The following DHRS3 variants were observed in gnomAD, a reference collection of about 807,000 sequenced individuals.
DHRS3 encodes the protein short-chain dehydrogenase/reductase 3.
In DHRS3, 14 loss-of-function variants were observed where a neutral mutation model predicts 27.2. The ratio of observed to expected loss-of-function variants is 0.52; its 90% CI spans 0.34 to 0.81. The LOEUF (loss-of-function observed/expected upper bound fraction) is 0.81, where lower values mean the gene tolerates loss of function less well. DHRS3 is among the 30% of genes least tolerant of loss of function. The probability of loss-of-function intolerance (pLI) is 0.01; values close to 1 mark genes in which losing one functional copy is unlikely to be tolerated. For synonymous variants in DHRS3, 165 were observed against 175.9 expected (o/e 0.94, Z 0.49); for missense variants, 322 against 406.2 (o/e 0.79, Z 1.78).
chr1:12,582,205 G>A (rs914186385), intron 1 of DHRS3, among the ~76,000 whole-genome samples: 3 of 152,152 alleles, frequency 2.0e-5, no homozygotes, highest in Admixed American at 6.5e-5. Flanking sequence ...CCGTTTATCC[G>A]CTGCTCACCT....
At position 12,578,787 on chromosome 1, in the gene DHRS3, G is replaced by A. The variant is rs763680512; in HGVS notation, c.629C>T (p.Pro210Leu). 1.1e-5 allele frequency: 18 copies of A among 1,613,922 alleles called. 1 individual carries two copies. The highest frequency in any genetic ancestry group is 2.2e-5 in the East Asian group (1 of 44,888). ...CAGCACTGTGGTGGCGCTGACTCCC[G>A]GACAGTCCAGCAGCCCCAGGGTCAG... ...ESLTLGLLDC[P>L]GVSATTVLPF... is the part of the protein sequence containing the mutation. The change falls in exon 4 of 6, where the codon CCG becomes CTG. Residue 210 changes from proline (P) to leucine (L), a missense_variant. Physicochemically the swap from Pro to Leu is moderately conservative, Grantham distance 98. Transcript: ENST00000616661. The surrounding 1 kb of genome is among the most constrained non-coding windows in gnomAD (Gnocchi z 4.5).
intron 1 of DHRS3, among the ~76,000 whole-genome samples, chr1:12,599,591 C>G (rs1557528290): frequency 6.6e-6 from 1 of 152,122 alleles, no homozygotes. Flanking sequence ...CTGGCCATCT[C>G]TCTCCACTCC....
chr1:12,594,281 T>G lies in DHRS3; in HGVS notation c.196-13615A>C, dbSNP rs115179971. Among the ~76,000 whole-genome samples, 2,252 of 152,336 alleles carry G rather than the reference T, an allele frequency of 0.015. 29 individuals are homozygous for G. Among genetic ancestry groups the G allele is most frequent in the Non-Finnish European group, 0.024 (1,634 of 68,030 alleles). The stretch of plus-strand genomic sequence containing the variant: ...CTTTTAACAACCCTGTCCTGCCTCA[T>G]TCATTCATTCAAGGACTATTTGTGG... On this transcript the variant is annotated intron_variant, in intron 1 of 5. Coordinates refer to ENST00000616661, the MANE Select transcript of DHRS3 (RefSeq NM_004753.7). This position sits in a 1 kb window ranked among gnomAD's most constrained non-coding sequence, Gnocchi z 4.1.
intron 1 of DHRS3, among the ~76,000 whole-genome samples, chr1:12,611,346 C>A (rs537490304): frequency 5.9e-5 from 9 of 152,294 alleles, no homozygotes; most frequent in East Asian, 1.9e-4. Flanking sequence ...AAGAAAAAAA[C>A]CAGGAAATTT....
rs1278837077 is a variant in DHRS3 at position 12,608,640 on chromosome 1, G to A, written c.195+8514C>T. 6.6e-6 allele frequency among the ~76,000 whole-genome samples: 1 copy of A among 152,056 alleles called. No homozygotes were observed. The highest frequency in any genetic ancestry group is 1.9e-4 in the East Asian group (1 of 5,200). On this transcript the variant is annotated intron_variant, in intron 1 of 5. Coordinates refer to ENST00000616661, the MANE Select transcript of DHRS3 (RefSeq NM_004753.7). This position sits in a 1 kb window ranked among gnomAD's most constrained non-coding sequence, Gnocchi z 4.1. ...ACTCACAGAATCAAAGGGTAGAAGG[G>A]ACCTAGGAGGTTGTCCAGAACCTAA...
intron 1 of DHRS3, among the ~76,000 whole-genome samples, chr1:12,581,657 A>G (rs989992194): frequency 3.3e-5 from 5 of 152,186 alleles, no homozygotes; most frequent in African/African-American, 1.2e-4. Context: ...GCTAATTCTT[A>G]ACCTTGACCT....
chr1:12,610,334 C>T (rs899091085), intron 1 of DHRS3, among the ~76,000 whole-genome samples: 3 of 151,968 alleles, frequency 2.0e-5, no homozygotes, highest in African/African-American at 7.2e-5. Context: ...TCAAGTGTTC[C>T]GCCTGCCTTA....
At chr1:12,585,987 C>T (rs1446157970) in intron 1 of DHRS3, among the ~76,000 whole-genome samples, 1 of 150,678 alleles carries the variant, frequency 6.6e-6, no homozygotes, top group Non-Finnish European at 1.5e-5. Context: ...GCTGGGGTGG[C>T]TCAACACCTC....
chr1:12,590,774 C>T (rs1324711227), intron 1 of DHRS3, among the ~76,000 whole-genome samples: 3 of 152,224 alleles, frequency 2.0e-5, no homozygotes, highest in African/African-American at 7.2e-5. Context: ...ATTGAGAGTG[C>T]TGGCCTGTCA....
chr1:12,609,893 C>T (rs1300740794), intron 1 of DHRS3, among the ~76,000 whole-genome samples: 1 of 152,198 alleles, frequency 6.6e-6, no homozygotes, highest in Non-Finnish European at 1.5e-5. Context: ...GCCCTGTCCT[C>T]TTCCTGGAAT....
Position 12,591,854 on chromosome 1 carries a change from G to C in DHRS3, c.196-11188C>G, listed in dbSNP as rs983826690. The stretch of plus-strand genomic sequence containing the variant: ...ACAGTGAGCTGATGCCATGTCCAAG[G>C]ACTGGACAGAAAGGTGTCCACCTCC... On this transcript the variant is annotated intron_variant, in intron 1 of 5. Coordinates refer to ENST00000616661, the MANE Select transcript of DHRS3 (RefSeq NM_004753.7). The surrounding 1 kb of genome is among the most constrained non-coding windows in gnomAD (Gnocchi z 4.1). Among the ~76,000 whole-genome samples, 2 of 152,226 alleles carry C rather than the reference G, an allele frequency of 1.3e-5. No individual in the cohort carries two copies. Among genetic ancestry groups the C allele is most frequent in the Non-Finnish European group, 2.9e-5 (2 of 68,048 alleles).
intron 2 of DHRS3, 52 bp downstream of exon 2, chr1:12,580,471 G>A (rs756745289): frequency 3.1e-6 from 5 of 1,613,264 alleles, no homozygotes; most frequent in Non-Finnish European, 4.2e-6. Context: ...TCTTTGCCCG[G>A]AATTAGCCTG....
At position 12,588,291 on chromosome 1, in the gene DHRS3, G is replaced by A. The variant is rs1263372497; in HGVS notation, c.196-7625C>T. ...ATATAATGGCTAAATCTGTTGAGCAGTTGCCATGGGCCAGACACTGTGCTG... is the reference window on the plus strand; with the variant it reads ...ATATAATGGCTAAATCTGTTGAGCAATTGCCATGGGCCAGACACTGTGCTG... On this transcript the variant is annotated intron_variant, in intron 1 of 5. Coordinates refer to ENST00000616661, the MANE Select transcript of DHRS3 (RefSeq NM_004753.7). Among the ~76,000 whole-genome samples, 3 of 152,220 alleles carry A rather than the reference G, an allele frequency of 2.0e-5. No individual in the cohort carries two copies. The East Asian group carries it at 5.8e-4, about 29-fold the overall frequency.
At position 12,592,220 on chromosome 1, in the gene DHRS3, C is replaced by T. The variant is rs754538587; in HGVS notation, c.196-11554G>A. Among the ~76,000 whole-genome samples, 10 of 152,296 alleles carry T rather than the reference C, an allele frequency of 6.6e-5. No homozygotes were observed. Among genetic ancestry groups the T allele is most frequent in the East Asian group, 1.9e-4 (1 of 5,180 alleles). Reference sequence around the variant, plus strand: ...TCTGGGCTCTTAGACTGAATCCTCTCGGCTGCCCGGATGTGGTACAGTCGG... The same window carrying T: ...TCTGGGCTCTTAGACTGAATCCTCTTGGCTGCCCGGATGTGGTACAGTCGG... On this transcript the variant is annotated intron_variant, in intron 1 of 5. Coordinates refer to ENST00000616661, the MANE Select transcript of DHRS3 (RefSeq NM_004753.7). This position sits in a 1 kb window ranked among gnomAD's most constrained non-coding sequence, Gnocchi z 4.2.
intron 1 of DHRS3, among the ~76,000 whole-genome samples, chr1:12,585,291 CTATG>C (rs1201827626): frequency 7.0e-6 from 1 of 141,896 alleles, no homozygotes; most frequent in East Asian, 2.0e-4. Context: ...GTGTGTCTCT[CTATG>C]TGAGTGTATG....
At chr1:12,606,136 C>CAAAAAAAAAAA (rs35154933) in intron 1 of DHRS3, among the ~76,000 whole-genome samples, 3 of 106,844 alleles carry the variant, frequency 2.8e-5, no homozygotes, top group Non-Finnish European at 5.5e-5. Flanking sequence ...GACTCTGTCT[C>CAAAAAAAAAAA]AAAAAAAAAA....
chr1:12,578,880 A>C lies in DHRS3; in HGVS notation c.536T>G (p.Leu179Arg), dbSNP rs200199732. The change falls in exon 4 of 6, where the codon CTG becomes CGG. Residue 179 changes from leucine (L) to arginine (R), a missense_variant. Leu to Arg is a moderately radical substitution (Grantham distance 102, BLOSUM62 -2). Transcript: ENST00000616661. This position sits in a 1 kb window ranked among gnomAD's most constrained non-coding sequence, Gnocchi z 4.5. Reference protein sequence around the residue: ...HIVCLNSVLALSAIPGAIDYC... With the variant: ...HIVCLNSVLARSAIPGAIDYC... ...GTCGATGGCACCGGGGATGGCAGAC[A>C]GTGCCAGCACGGAGTTGAGGCACAC... 41 of 1,613,870 alleles carry C rather than the reference A, an allele frequency of 2.5e-5. No individual in the cohort carries two copies. The highest frequency in any genetic ancestry group is 3.4e-5 in the Non-Finnish European group (40 of 1,180,034).
At chr1:12,580,156 G>A in intron 2 of DHRS3, 1 of 341,284 alleles carries the variant, frequency 2.9e-6, no homozygotes, top group Middle Eastern at 9.8e-4. Flanking sequence ...ATTACCACGT[G>A]CCAGACAGTC....
intron 5 of DHRS3, among the ~76,000 whole-genome samples, chr1:12,572,150 A>T (rs1315303255): frequency 6.6e-6 from 1 of 152,202 alleles, no homozygotes; most frequent in Non-Finnish European, 1.5e-5. Flanking sequence ...AATGTATACA[A>T]CTTACAACAT....
Sources: gnomAD v4.1 joint callset for allele counts (sites outside exome capture counted in the v4.1 genomes callset) on GRCh38, gnomAD v4.1.1 for gene constraint, Gnocchi (gnomAD v3.1) non-coding constraint, MANE v1.5 for transcripts, NCBI Gene and HGNC (gene_info 2026-07-23, HGNC 2026-07-21) for gene names.